FRK: variants seen among roughly 807,000 people sequenced by gnomAD.
FRK encodes tyrosine-protein kinase FRK.
Under a neutral mutation model 56.4 loss-of-function variants are expected in FRK, and 51 were observed. The ratio of observed to expected loss-of-function variants is 0.90; its 90% CI spans 0.72 to 1.14. The LOEUF is 1.14. FRK is among the 50% of genes most tolerant of loss of function. The probability of loss-of-function intolerance (pLI) is 0.00; values close to 1 mark genes in which losing one functional copy is unlikely to be tolerated. For synonymous variants in FRK, 245 were observed against 217.9 expected, an observed-to-expected ratio of 1.12 and a Z score of -1.10; for missense variants, 570 against 601.4, an observed-to-expected ratio of 0.95 and a Z score of 0.55.
chr6:116,098,068 T>C, the FRK span, among the ~76,000 whole-genome samples: 1 of 148,892 alleles, frequency 6.7e-6, no homozygotes, highest in Non-Finnish European at 1.5e-5. Context: ...GGTTGGTTTC[T>C]GGTGAAGCCA....
At chr6:115,997,104 A>G (rs1480235377) in intron 2 of FRK, among the ~76,000 whole-genome samples, 1 of 152,184 alleles carries the variant, frequency 6.6e-6, no homozygotes, top group Non-Finnish European at 1.5e-5. Flanking sequence ...TGAACACATA[A>G]TTACCCCAGC....
rs1582772406 is a variant in FRK, at chr6:116,060,462, A to C, written c.-151T>G. ...GCAAAGTCCCGTTTCAGATCAGTCCAGCAGCTGGGTTGCAGCAAGTCCTAC... is the reference window on the plus strand; with the variant it reads ...GCAAAGTCCCGTTTCAGATCAGTCCCGCAGCTGGGTTGCAGCAAGTCCTAC... On this transcript the variant is annotated 5_prime_UTR_variant, in exon 1 of 8. Transcript: ENST00000606080. 12 of 633,612 alleles carry C rather than the reference A, an allele frequency of 1.9e-5. No homozygotes were observed. The East Asian group carries it at 3.3e-4, about 17-fold the overall frequency. The allele number at this position is 633,612 out of a possible 1,614,324, so 39.2% of individuals were successfully genotyped here.
intron 2 of FRK, among the ~76,000 whole-genome samples, chr6:116,001,036 G>A (rs1205637168): frequency 6.6e-6 from 1 of 152,146 alleles, no homozygotes; most frequent in Non-Finnish European, 1.5e-5. Context: ...TCAGGAGATT[G>A]AGACCATCCA....
chr6:115,944,667 G>A (rs977243780), intron 5 of FRK, among the ~76,000 whole-genome samples: 3 of 152,018 alleles, frequency 2.0e-5, no homozygotes, highest in South Asian at 2.1e-4. Flanking sequence ...TGATCCAAAC[G>A]TGGCTGCAAT....
At chr6:116,041,241 G>A (rs1776698756) in intron 1 of FRK, among the ~76,000 whole-genome samples, 1 of 152,150 alleles carries the variant, frequency 6.6e-6, no homozygotes, top group African/African-American at 2.4e-5. Flanking sequence ...GTATTGAGTT[G>A]CTTTTTTATT....
chr6:115,944,321 G>C lies in FRK; in HGVS notation c.1063C>G (p.Leu355Val). The C allele has an allele frequency of 6.2e-7, 1 of 1,613,174 alleles. No individual in the cohort carries two copies. The highest frequency in any genetic ancestry group is 8.5e-7 in the Non-Finnish European group (1 of 1,179,638). The change falls in exon 6 of 8, where the codon CTG (leucine) becomes GTG (valine). Residue 355 changes from leucine (L) to valine (V), a missense_variant. Transcript: ENST00000606080. ...CCAACGAGGACATTTCTGGCAGCCA[G>C]ATCTCTGTGAATGTAGTTCCGAGAC... ...LESRNYIHRD[L>V]AARNVLVGEH...
chr6:116,073,223 TTC>T, the FRK span, among the ~76,000 whole-genome samples: 1 of 152,196 alleles, frequency 6.6e-6, no homozygotes, highest in Middle Eastern at 3.2e-3. Context: ...TAACTTTATT[TTC>T]TCTGTCTTGG....
At chr6:116,007,085 T>C (rs1775272706) in intron 1 of FRK, among the ~76,000 whole-genome samples, 1 of 152,190 alleles carries the variant, frequency 6.6e-6, no homozygotes, top group Non-Finnish European at 1.5e-5. Flanking sequence ...AAAGAAGCAA[T>C]ATGGATGAAA....
At chr6:116,045,412 G>A (rs1776909732) in intron 1 of FRK, among the ~76,000 whole-genome samples, 1 of 151,964 alleles carries the variant, frequency 6.6e-6, no homozygotes, top group Admixed American at 6.6e-5. Flanking sequence ...CAGAACAGAG[G>A]CCTCAGAAAT....
At chr6:116,038,262 A>G (rs1383508483) in intron 1 of FRK, among the ~76,000 whole-genome samples, 1 of 152,228 alleles carries the variant, frequency 6.6e-6, no homozygotes, top group Non-Finnish European at 1.5e-5. Context: ...TTTAATTAGT[A>G]TATAGATTAA....
the FRK span, among the ~76,000 whole-genome samples, chr6:116,088,783 T>G: frequency 6.6e-6 from 1 of 152,222 alleles, no homozygotes; most frequent in African/African-American, 2.4e-5. Flanking sequence ...TTAATATGAT[T>G]AGCTCTCCTT....
At chr6:116,020,831 A>G (rs868761084) in intron 1 of FRK, among the ~76,000 whole-genome samples, 8 of 152,272 alleles carry the variant, frequency 5.3e-5, no homozygotes, top group Middle Eastern at 3.4e-3. Flanking sequence ...ATATATTCCA[A>G]AGTAGAGACA....
chr6:115,960,466 G>A (rs981654558), intron 4 of FRK, among the ~76,000 whole-genome samples: 304 of 150,470 alleles, frequency 2.0e-3, no homozygotes, highest in African/African-American at 7.1e-3. Flanking sequence ...CGAGGCTGGG[G>A]GAAGGGCGCC....
At chr6:116,064,555 T>C (rs984652213), upstream of FRK, among the ~76,000 whole-genome samples, 4 of 152,188 alleles carry the variant, frequency 2.6e-5, no homozygotes, top group Non-Finnish European at 5.9e-5. Flanking sequence ...GTGAAAGTTC[T>C]ATAGTGTGAA....
chr6:116,096,341 G>A, the FRK span, among the ~76,000 whole-genome samples: 3 of 152,186 alleles, frequency 2.0e-5, no homozygotes, highest in South Asian at 4.1e-4. Context: ...TGTACTTTGT[G>A]GGTCGAGTGG....
At chr6:116,080,760 CAA>C in the FRK span, among the ~76,000 whole-genome samples, 2 of 148,780 alleles carry the variant, frequency 1.3e-5, no homozygotes, top group African/African-American at 5.1e-5. Context: ...AGCATATGCT[CAA>C]AGTCATTAAT....
intron 1 of FRK, among the ~76,000 whole-genome samples, chr6:116,024,056 T>TCACACA (rs1775980047): frequency 1.4e-5 from 1 of 69,944 alleles, no homozygotes; most frequent in African/African-American, 5.1e-5. Flanking sequence ...TCCTGAGAAC[T>TCACACA]TACACACACA....
chr6:116,066,365 G>C, the FRK span, among the ~76,000 whole-genome samples: 4 of 151,988 alleles, frequency 2.6e-5, no homozygotes, highest in African/African-American at 9.7e-5. Flanking sequence ...CAAGCTTGCA[G>C]GCAGCCTATT....
In FRK at chr6:115,944,387, C is replaced by G; in HGVS notation, c.997G>C (p.Asp333His). Residue 333 changes from aspartate to histidine, a missense_variant, in exon 6 of 8, where the codon GAC becomes CAC. Transcript: ENST00000606080. ...GSKIHLTQQV[D>H]MAAQVASGMA... ...CCAGAGGCAACCTGTGCCGCCATGT[C>G]TACCTGTTGAGTCAGATGGATTTTT... 1 of 1,611,364 alleles carries G rather than the reference C, an allele frequency of 6.2e-7. No homozygotes were observed. The highest frequency in any genetic ancestry group is 1.3e-5 in the African/African-American group (1 of 74,878).
Sources: gnomAD v4.1 joint callset for allele counts (sites outside exome capture counted in the v4.1 genomes callset) on GRCh38, gnomAD v4.1.1 for gene constraint, MANE v1.5 for transcripts, NCBI Gene and HGNC (gene_info 2026-07-23, HGNC 2026-07-21) for gene names.